The following PHLPP1 variants were observed in gnomAD, a reference collection of about 807,000 sequenced individuals.
The protein encoded by PHLPP1 is PH domain leucine-rich repeat-containing protein phosphatase 1.
Under a neutral mutation model 117.2 loss-of-function variants are expected in PHLPP1, and 42 were observed. The observed-to-expected ratio is 0.36, with a 90% CI of 0.28 to 0.46. The LOEUF (loss-of-function observed/expected upper bound fraction) is 0.46, where lower values mean the gene tolerates loss of function less well. Ranked by LOEUF, PHLPP1 falls within the 20% of genes least tolerant of loss-of-function variation. The pLI, the probability that PHLPP1 is intolerant of heterozygous loss-of-function variation, is 1.00. For missense variants in PHLPP1, 2,084 were observed against 2,241.9 expected, an observed-to-expected ratio of 0.93 and a Z score of 1.42; for synonymous variants, 1,042 against 970.7, an observed-to-expected ratio of 1.07 and a Z score of -1.37.
chr18:62,716,754 G>A lies in PHLPP1; in HGVS notation c.1071G>A (p.Glu357=). 6.6e-7 allele frequency: 1 copy of A among 1,520,358 alleles called. No homozygotes were observed. The highest frequency in any genetic ancestry group is 8.8e-7 in the Non-Finnish European group (1 of 1,139,556). 94.2% of individuals were successfully genotyped at this position (1,520,358 alleles called of 1,614,324 possible). ...GCTTCAGTCTGAGTCCCAGCGCCGA[G>A]AGCGTGTCTGACCGGTTGGACCCCT... ...TESFSLSPSA[E]SVSDRLDPYS... is the part of the protein sequence containing the mutation. Residue 357 remains glutamate, a synonymous_variant, in exon 1 of 17, where the codon GAG becomes GAA. Coordinates refer to ENST00000262719, the MANE Select transcript of PHLPP1 (RefSeq NM_194449.4). This position sits in a 1 kb window ranked among gnomAD's most constrained non-coding sequence, Gnocchi z 5.7.
intron 1 of PHLPP1, among the ~76,000 whole-genome samples, chr18:62,804,890 A>G (rs1055222273): frequency 4.2e-5 from 6 of 142,984 alleles, no homozygotes; most frequent in Admixed American, 1.4e-4. Flanking sequence ...TATACACTGC[A>G]TATATTATAC....
At chr18:62,786,113 T>C (rs903226614) in intron 1 of PHLPP1, among the ~76,000 whole-genome samples, 1 of 152,230 alleles carries the variant, frequency 6.6e-6, no homozygotes, top group Admixed American at 6.5e-5. Flanking sequence ...CCAGAGCATC[T>C]TCCTAAAAGA....
chr18:62,979,166 A>G lies in PHLPP1; in HGVS notation c.4889A>G (p.Gln1630Arg), dbSNP rs1568181176. The G allele has an allele frequency of 1.2e-6, 2 of 1,613,902 alleles. No individual in the cohort carries two copies. Among genetic ancestry groups the G allele is most frequent in the Non-Finnish European group, 1.7e-6 (2 of 1,179,874 alleles). The change falls in exon 17 of 17, where the codon CAG becomes CGG. Residue 1630 changes from glutamine (Q) to arginine (R), a missense_variant. By Grantham distance (43) the Gln-to-Arg change is conservative. Transcript: ENST00000262719. The stretch of plus-strand genomic sequence containing the variant: ...AGGGCCAATGGCTCTGTTGCGCCCC[A>G]GGAAAGGAGCCACAATGTGATAGAG... Reference protein sequence around the residue: ...RRRANGSVAPQERSHNVIEVA... With the variant: ...RRRANGSVAPRERSHNVIEVA...
intron 1 of PHLPP1, among the ~76,000 whole-genome samples, chr18:62,744,032 A>G (rs1457184833): frequency 1.3e-5 from 2 of 152,218 alleles, no homozygotes; most frequent in Non-Finnish European, 2.9e-5. Flanking sequence ...CGTGGGACAC[A>G]TGTGGCTCAC....
intron 1 of PHLPP1, among the ~76,000 whole-genome samples, chr18:62,749,976 A>G (rs1821369230): frequency 6.6e-6 from 1 of 152,204 alleles, no homozygotes; most frequent in South Asian, 2.1e-4. Flanking sequence ...AGATGGCGCC[A>G]CTGCACTCCA....
chr18:62,826,176 G>A, intron 1 of PHLPP1: 3 of 328,840 alleles, frequency 9.1e-6, no homozygotes, highest in Non-Finnish European at 1.8e-5. Context: ...TTTTCTGGAG[G>A]TCCATTGCTT....
intron 6 of PHLPP1, 118 bp from the exon 7 acceptor site, chr18:62,902,846 A>G: frequency 3.1e-6 from 2 of 641,944 alleles, no homozygotes; most frequent in Non-Finnish European, 2.7e-6. Flanking sequence ...TCCAAAAATC[A>G]TGGAGAACTA....
At chr18:62,965,870 G>A (rs999267905) in intron 14 of PHLPP1, among the ~76,000 whole-genome samples, 10 of 150,246 alleles carry the variant, frequency 6.7e-5, no homozygotes, top group Admixed American at 1.3e-4. Context: ...AAAAAACTAC[G>A]TTACTGTATT....
chr18:62,730,344 CT>C (rs1433160911), intron 1 of PHLPP1, among the ~76,000 whole-genome samples: 1 of 152,140 alleles, frequency 6.6e-6, no homozygotes, highest in Non-Finnish European at 1.5e-5. Flanking sequence ...AGTACTAGTT[CT>C]TACACACCAT....
chr18:62,893,935 TG>T (rs1299734394), intron 4 of PHLPP1, among the ~76,000 whole-genome samples: 1 of 152,088 alleles, frequency 6.6e-6, no homozygotes, highest in South Asian at 2.1e-4. Flanking sequence ...GCTGGAAATG[TG>T]GGGTAGCTCA....
At chr18:62,847,706 C>CT (rs1237495387) in intron 3 of PHLPP1, among the ~76,000 whole-genome samples, 2 of 151,906 alleles carry the variant, frequency 1.3e-5, no homozygotes, top group East Asian at 3.9e-4. Context: ...TTAGTTTAAC[C>CT]TTGAATTCTA....
Position 62,715,798 on chromosome 18 carries a change from G to A in PHLPP1, c.115G>A (p.Ala39Thr). Reference protein sequence around the residue: ...AAAAAAAAAAAALAAAAGGGR... With the variant: ...AAAAAAAAAATALAAAAGGGR... Reference sequence around the variant, plus strand: ...AGCAGCAGCAGCAGCGGCGGCCGCGGCGGCTCTGGCGGCGGCGGCCGGGGG... The same window carrying A: ...AGCAGCAGCAGCAGCGGCGGCCGCGACGGCTCTGGCGGCGGCGGCCGGGGG... The change falls in exon 1 of 17, where the codon GCG becomes ACG. Residue 39 changes from alanine to threonine, a missense_variant. Physicochemically the swap from Ala to Thr is moderately conservative, Grantham distance 58 (BLOSUM62 0). Coordinates refer to ENST00000262719, the MANE Select transcript of PHLPP1 (RefSeq NM_194449.4). 1.3e-6 allele frequency: 1 copy of A among 784,196 alleles called. No individual in the cohort carries two copies. Among genetic ancestry groups the A allele is most frequent in the Non-Finnish European group, 1.6e-6 (1 of 637,402 alleles). The allele number at this position is 784,196 out of a possible 1,614,324, so 48.6% of individuals were successfully genotyped here.
chr18:62,964,067 AC>A (rs926471196), intron 14 of PHLPP1, among the ~76,000 whole-genome samples: 1 of 152,262 alleles, frequency 6.6e-6, no homozygotes, highest in African/African-American at 2.4e-5. Context: ...GAAAAATGTA[AC>A]CAGGCTTTTC....
intron 3 of PHLPP1, 42 bp downstream of exon 3, chr18:62,838,951 T>G: frequency 6.2e-7 from 1 of 1,609,476 alleles, no homozygotes; most frequent in East Asian, 2.2e-5. Context: ...AGCTTCTAGC[T>G]GGCTACAAAG....
intron 15 of PHLPP1, among the ~76,000 whole-genome samples, chr18:62,973,434 G>A (rs1911106753): frequency 6.6e-6 from 1 of 152,192 alleles, no homozygotes; most frequent in South Asian, 2.1e-4. Flanking sequence ...GTATTGTGCT[G>A]CAGACTCACT....
intron 2 of PHLPP1, among the ~76,000 whole-genome samples, chr18:62,836,491 A>T (rs934819363): frequency 1.3e-5 from 2 of 149,850 alleles, no homozygotes; most frequent in East Asian, 4.0e-4. Context: ...AAATAAAAAT[A>T]AATTACTGGA....
intron 1 of PHLPP1, among the ~76,000 whole-genome samples, chr18:62,766,074 A>ATAT (rs1184323933): frequency 6.6e-4 from 12 of 18,236 alleles, no homozygotes; most frequent in East Asian, 4.1e-3. Context: ...AAAAAAAAAA[A>ATAT]AAATATATAT....
chr18:62,870,768 G>T (rs888688488), intron 4 of PHLPP1, among the ~76,000 whole-genome samples: 1 of 152,046 alleles, frequency 6.6e-6, no homozygotes, highest in South Asian at 2.1e-4. Flanking sequence ...ATTTAAATTG[G>T]TATTTGCACC....
intron 14 of PHLPP1, among the ~76,000 whole-genome samples, chr18:62,965,436 G>T: frequency 7.1e-6 from 1 of 141,702 alleles, no homozygotes; most frequent in Non-Finnish European, 1.5e-5. Flanking sequence ...GGGAGCTACA[G>T]TTGGATAATC....
Sources: allele counts gnomAD v4.1 joint callset (sites outside exome capture counted in the v4.1 genomes callset), GRCh38; gene constraint gnomAD v4.1.1; non-coding constraint Gnocchi (gnomAD v3.1); transcripts MANE v1.5; gene names NCBI Gene and HGNC (gene_info 2026-07-23, HGNC 2026-07-21).